Variants in PPP6R2 observed in about 807,000 individuals in gnomAD.
The protein encoded by PPP6R2 is protein phosphatase 6 regulatory subunit 2.
Under a neutral mutation model 100.2 loss-of-function variants are expected in PPP6R2, and 62 were observed. That is an observed-to-expected ratio of 0.62 (90% CI 0.50 to 0.76). The LOEUF (loss-of-function observed/expected upper bound fraction) is 0.76, where lower values mean the gene tolerates loss of function less well. Ranked by LOEUF, PPP6R2 falls within the 30% of genes least tolerant of loss-of-function variation. The pLI, the probability that PPP6R2 is intolerant of heterozygous loss-of-function variation, is 0.00. For missense variants in PPP6R2, 1,142 were observed against 1,276.3 expected, an observed-to-expected ratio of 0.89 and a Z score of 1.60; for synonymous variants, 525 against 514.7, an observed-to-expected ratio of 1.02 and a Z score of -0.27.
At chr22:50,373,808 A>G (rs1481989424) in intron 2 of PPP6R2, among the ~76,000 whole-genome samples, 1 of 151,680 alleles carries the variant, frequency 6.6e-6, no homozygotes, top group Admixed American at 6.6e-5. Context: ...ACCTTGACTC[A>G]CTGCAACCTC....
intron 1 of PPP6R2, among the ~76,000 whole-genome samples, chr22:50,367,430 C>T (rs548176157): frequency 5.3e-5 from 8 of 152,204 alleles, no homozygotes. Context: ...TTATATCCTG[C>T]AGTGGGAGAG....
chr22:50,333,313 G>T, the PPP6R2 span, among the ~76,000 whole-genome samples: 1 of 151,142 alleles, frequency 6.6e-6, no homozygotes, highest in Non-Finnish European at 1.5e-5. Flanking sequence ...ATCACGTAGT[G>T]TAAGTCCTCC....
Position 50,437,186 on chromosome 22 carries a change from G to A in PPP6R2, c.1683+118G>A, listed in dbSNP as rs570153159. The stretch of plus-strand genomic sequence containing the variant: ...CACTAGCAAAGGGGAGCGGGGGCTC[G>A]TCTCCGAGCACGTATGGGGCGGGGT... On this transcript the variant is annotated intron_variant, in intron 15 of 23. Coordinates refer to ENST00000612753, the MANE Select transcript of PPP6R2 (RefSeq NM_001242898.2). The A allele has an allele frequency of 3.2e-4, 331 of 1,044,534 alleles. 2 individuals carry two copies. The highest frequency in any genetic ancestry group is 6.0e-4 in the Middle Eastern group (2 of 3,342). The allele number at this position is 1,044,534 out of a possible 1,614,324, so 64.7% of individuals were successfully genotyped here.
intron 2 of PPP6R2, among the ~76,000 whole-genome samples, chr22:50,381,824 C>T (rs1373221844): frequency 3.3e-5 from 5 of 151,336 alleles, no homozygotes; most frequent in East Asian, 1.9e-4. Context: ...AGGAGAATGG[C>T]GTGAACCCGG....
chr22:50,351,026 GTTTTTTTTTTTTT>G (rs1195469509), intron 1 of PPP6R2, among the ~76,000 whole-genome samples: 1 of 80,748 alleles, frequency 1.2e-5, no homozygotes, highest in East Asian at 4.6e-4. Context: ...TCTCAACAGT[GTTTTTTTTTTTTT>G]TTTTTTTTTT....
At chr22:50,342,685 A>G (rs927328875), upstream of PPP6R2, among the ~76,000 whole-genome samples, 7 of 152,244 alleles carry the variant, frequency 4.6e-5, no homozygotes, top group Non-Finnish European at 8.8e-5. Context: ...AAATAATAGT[A>G]ATCATTTTTG....
chr22:50,365,072 T>C (rs1283846080), intron 1 of PPP6R2, among the ~76,000 whole-genome samples: 14 of 99,274 alleles, frequency 1.4e-4, no homozygotes, highest in Non-Finnish European at 2.8e-4. Context: ...TGAGATACTT[T>C]TTTTTTTTTT....
chr22:50,439,636 C>T (rs1373674105), intron 19 of PPP6R2, 65 bp from the exon 20 acceptor site: 1 of 1,453,790 alleles, frequency 6.9e-7, no homozygotes, highest in Non-Finnish European at 9.1e-7. Context: ...AGGGGCGCTG[C>T]CTCCCCTTTG....
At chr22:50,367,785 C>T (rs1449657337) in intron 1 of PPP6R2, among the ~76,000 whole-genome samples, 1 of 151,916 alleles carries the variant, frequency 6.6e-6, no homozygotes, top group Non-Finnish European at 1.5e-5. Flanking sequence ...TGTGCGGAGA[C>T]GAGAGATCGT....
At chr22:50,441,670 A>G (rs1333945258) in intron 22 of PPP6R2, among the ~76,000 whole-genome samples, 1 of 77,408 alleles carries the variant, frequency 1.3e-5, no homozygotes. Flanking sequence ...TTGAGCCCCC[A>G]AGAGCCATCC....
intron 2 of PPP6R2, among the ~76,000 whole-genome samples, chr22:50,374,911 C>CAAAAA (rs60035779): frequency 0.036 from 2,908 of 80,260 alleles, 95 homozygotes; most frequent in Non-Finnish European, 0.043. Context: ...GACTCTGTCT[C>CAAAAA]AAAAAAAAAA....
chr22:50,368,224 C>T lies in PPP6R2; in HGVS notation c.-147-3796C>T, dbSNP rs553908587. ...GTTTACGCCTCCAGATGGCTGCGGG[C>T]GGGCCTGACTGATGTCAGGCCTTCC... is the stretch of plus-strand genomic sequence containing the variant. On this transcript the variant is annotated intron_variant, in intron 1 of 23. Transcript: ENST00000612753. 2.0e-4 allele frequency among the ~76,000 whole-genome samples: 30 copies of T among 152,282 alleles called. No homozygotes were observed. The South Asian group carries it at 4.4e-3, about 22-fold the overall frequency.
intron 4 of PPP6R2, among the ~76,000 whole-genome samples, chr22:50,409,062 T>C (rs995054238): frequency 7.2e-5 from 11 of 152,254 alleles, no homozygotes; most frequent in African/African-American, 2.6e-4. Context: ...TGCAGTGAGC[T>C]GAGATTGCGC....
At chr22:50,351,049 T>G (rs375072452) in intron 1 of PPP6R2, among the ~76,000 whole-genome samples, 21 of 130,246 alleles carry the variant, frequency 1.6e-4, no homozygotes, top group Middle Eastern at 3.7e-3. Context: ...TTTTTTTTTT[T>G]TTTTTTTTGA....
intron 15 of PPP6R2, 28 bp from the exon 16 acceptor site, chr22:50,437,478 C>G (rs373241156): frequency 3.8e-6 from 3 of 781,950 alleles, no homozygotes; most frequent in Non-Finnish European, 4.7e-6. Context: ...GGTGTCTGTC[C>G]GTCCCTCCCT....
intron 2 of PPP6R2, among the ~76,000 whole-genome samples, chr22:50,378,105 C>T (rs2052017403): frequency 6.6e-6 from 1 of 152,060 alleles, no homozygotes; most frequent in African/African-American, 2.4e-5. Context: ...TACAAAGCAC[C>T]AAAGAGTGTT....
chr22:50,357,617 C>A (rs1360622182), intron 1 of PPP6R2, among the ~76,000 whole-genome samples: 1 of 151,746 alleles, frequency 6.6e-6, no homozygotes, highest in Non-Finnish European at 1.5e-5. Context: ...ACCTCAGCCT[C>A]CCTGGCTAAT....
intron 3 of PPP6R2, among the ~76,000 whole-genome samples, chr22:50,396,780 C>G (rs571873001): frequency 1.3e-5 from 2 of 152,206 alleles, no homozygotes; most frequent in African/African-American, 2.4e-5. Context: ...GGTGGTCAGG[C>G]GTCCTCTTAG....
chr22:50,396,419 T>G (rs957712357), intron 3 of PPP6R2, among the ~76,000 whole-genome samples: 1 of 146,758 alleles, frequency 6.8e-6, no homozygotes, highest in Non-Finnish European at 1.5e-5. Flanking sequence ...TGCTTGAACC[T>G]GGGAGGTAGA....
Sources: gnomAD v4.1 joint callset for allele counts (sites outside exome capture counted in the v4.1 genomes callset) on GRCh38, gnomAD v4.1.1 for gene constraint, MANE v1.5 for transcripts, NCBI Gene and HGNC (gene_info 2026-07-23, HGNC 2026-07-21) for gene names.